Variants in CTNNA2 observed in about 807,000 individuals in gnomAD.
CTNNA2 encodes the protein catenin alpha 2, also known as catenin alpha-2.
Under a neutral mutation model 101.0 loss-of-function variants are expected in CTNNA2, and 42 were observed. That is an observed-to-expected ratio of 0.42 (90% CI 0.32 to 0.54). CTNNA2 has a LOEUF of 0.54. CTNNA2 is among the 20% of genes least tolerant of loss of function. CTNNA2 has a pLI of 0.14. For synonymous variants in CTNNA2, 450 were observed against 456.4 expected (o/e 0.99, Z 0.18); for missense variants, 871 against 1,223.1 (o/e 0.71, Z 4.29).
chr2:79,399,393 C>G (rs1678266381), intron 4 of CTNNA2, among the ~76,000 whole-genome samples: 1 of 151,986 alleles, frequency 6.6e-6, no homozygotes, highest in African/African-American at 2.4e-5. Context: ...AGGCTGTAGA[C>G]AGCAAAAAGA....
intron 2 of CTNNA2, among the ~76,000 whole-genome samples, chr2:79,700,420 C>T (rs1351986075): frequency 1.3e-5 from 2 of 152,010 alleles, no homozygotes; most frequent in Admixed American, 1.3e-4. Flanking sequence ...ATGGAGGTGC[C>T]AAGAGAGTCA....
intron 11 of CTNNA2, among the ~76,000 whole-genome samples, chr2:80,551,734 T>C (rs2149648427): frequency 6.6e-6 from 1 of 152,340 alleles, no homozygotes; most frequent in Middle Eastern, 3.4e-3. Flanking sequence ...TATGATCTTC[T>C]ATTTAGACCA....
chr2:79,444,994 A>G (rs969119340), intron 4 of CTNNA2, among the ~76,000 whole-genome samples: 13 of 152,154 alleles, frequency 8.5e-5, no homozygotes, highest in South Asian at 2.1e-4. Context: ...TCAAAAGTCA[A>G]TTAGAAGTAT....
intron 9 of CTNNA2, among the ~76,000 whole-genome samples, chr2:80,472,698 G>C (rs563290151): frequency 5.3e-5 from 8 of 152,174 alleles, no homozygotes; most frequent in South Asian, 4.1e-4. Context: ...ACCCAAGAAG[G>C]CCCATTTTTC....
At chr2:79,739,766 C>CA (rs1414330886) in intron 2 of CTNNA2, among the ~76,000 whole-genome samples, 2 of 152,156 alleles carry the variant, frequency 1.3e-5, no homozygotes, top group African/African-American at 2.4e-5. Flanking sequence ...GCAATTGGGC[C>CA]ACCTTGTGGC....
At chr2:80,262,291 T>G (rs187071278) in intron 7 of CTNNA2, among the ~76,000 whole-genome samples, 89 of 152,310 alleles carry the variant, frequency 5.8e-4, no homozygotes, top group African/African-American at 2.0e-3. Flanking sequence ...TCTTTCCATT[T>G]GTTAATATAA....
chr2:79,655,860 C>T (rs1293768473), intron 2 of CTNNA2, among the ~76,000 whole-genome samples: 4 of 151,858 alleles, frequency 2.6e-5, no homozygotes, highest in African/African-American at 9.7e-5. Context: ...TTTTCATATA[C>T]CTTTTAGTCC....
intron 11 of CTNNA2, 38 bp from the exon 12 acceptor site, chr2:80,555,655 T>A (rs1201175457): frequency 2.3e-6 from 3 of 1,283,036 alleles, no homozygotes; most frequent in Non-Finnish European, 3.2e-6. Context: ...TTCTGAGTTA[T>A]GTAAAGTCAT....
At chr2:79,939,158 T>C (rs1687980833) in intron 7 of CTNNA2, among the ~76,000 whole-genome samples, 2 of 145,856 alleles carry the variant, frequency 1.4e-5, no homozygotes, top group African/African-American at 4.9e-5. Flanking sequence ...GAGTTTATTA[T>C]TGTTTTGTTA....
chr2:79,475,058 C>T (rs919981508), intron 4 of CTNNA2, among the ~76,000 whole-genome samples: 3 of 152,008 alleles, frequency 2.0e-5, no homozygotes, highest in African/African-American at 7.2e-5. Flanking sequence ...CTACATAGAA[C>T]AAAAGTTATC....
chr2:80,254,671 T>C (rs534537757), intron 7 of CTNNA2, among the ~76,000 whole-genome samples: 2 of 152,334 alleles, frequency 1.3e-5, no homozygotes, highest in East Asian at 3.9e-4. Flanking sequence ...TTTTAATTAC[T>C]GTTAGCAAAA....
chr2:79,407,636 A>G (rs1174617471), intron 4 of CTNNA2, among the ~76,000 whole-genome samples: 1 of 151,946 alleles, frequency 6.6e-6, no homozygotes, highest in Non-Finnish European at 1.5e-5. Context: ...GGCAGAATAG[A>G]CCTTCCTCAA....
intron 12 of CTNNA2, among the ~76,000 whole-genome samples, chr2:80,558,442 TG>T: frequency 1.3e-5 from 1 of 78,136 alleles, no homozygotes; most frequent in African/African-American, 3.2e-5. Flanking sequence ...AAAGTTTTGT[TG>T]GTGTGTGTGT....
At chr2:79,629,814 G>C (rs1024835338) in intron 1 of CTNNA2, among the ~76,000 whole-genome samples, 1 of 152,026 alleles carries the variant, frequency 6.6e-6, no homozygotes, top group Non-Finnish European at 1.5e-5. Flanking sequence ...TGATATCTTG[G>C]CATCTTTGTG....
chr2:79,920,073 T>C (rs558973818), intron 7 of CTNNA2, among the ~76,000 whole-genome samples: 152 of 152,184 alleles, frequency 1.0e-3, no homozygotes, highest in African/African-American at 3.5e-3. Context: ...AAAAAATAGC[T>C]GAGTGTGGTG....
chr2:79,485,451 G>A (rs1671148326), intron 4 of CTNNA2, among the ~76,000 whole-genome samples: 2 of 152,180 alleles, frequency 1.3e-5, no homozygotes, highest in South Asian at 2.1e-4. Flanking sequence ...TTTATTTTGG[G>A]ACAATCATAA....
Position 80,303,718 on chromosome 2 carries a change from G to T in CTNNA2, c.1057-89493G>T, listed in dbSNP as rs34285492. 2.5e-6 allele frequency: 4 copies of T among 1,606,736 alleles called. No individual in the cohort carries two copies. Among genetic ancestry groups the T allele is most frequent in the Non-Finnish European group, 3.4e-6 (4 of 1,176,514 alleles). ...ACAGCTGCGGGCACCCGCTGGGGGC[G>T]GCGGGCAGCATCTGAAAGCAGGCCC... On this transcript the variant is annotated intron_variant, in intron 7 of 18. Coordinates refer to ENST00000402739, the MANE Select transcript of CTNNA2 (RefSeq NM_001282597.3). This position sits in a 1 kb window ranked among gnomAD's most constrained non-coding sequence, Gnocchi z 7.7.
intron 9 of CTNNA2, among the ~76,000 whole-genome samples, chr2:80,499,290 C>G (rs1687694459): frequency 6.6e-6 from 1 of 152,068 alleles, no homozygotes; most frequent in Non-Finnish European, 1.5e-5. Context: ...GAATGGTGCC[C>G]CCTGGTGATG....
At chr2:79,387,480 A>G (rs1226325291) in intron 4 of CTNNA2, among the ~76,000 whole-genome samples, 1 of 152,246 alleles carries the variant, frequency 6.6e-6, no homozygotes, top group Non-Finnish European at 1.5e-5. Context: ...AATCAAGTGC[A>G]GAGTTGAACG....
Sources: allele counts gnomAD v4.1 joint callset (sites outside exome capture counted in the v4.1 genomes callset), GRCh38; gene constraint gnomAD v4.1.1; non-coding constraint Gnocchi (gnomAD v3.1); transcripts MANE v1.5; gene names NCBI Gene and HGNC (gene_info 2026-07-23, HGNC 2026-07-21).